The following PRMT8 variants were observed in gnomAD, a reference collection of about 807,000 sequenced individuals.
The protein encoded by PRMT8 is protein arginine methyltransferase 8.
A neutral mutation model predicts 47.1 loss-of-function variants in PRMT8; 7 were observed. The ratio of observed to expected loss-of-function variants is 0.15; its 90% CI spans 0.08 to 0.28. PRMT8 has a LOEUF of 0.28. Among genes scored for constraint, PRMT8 ranks in the 10% least tolerant of loss-of-function variants. PRMT8 has a pLI of 1.00. For missense variants in PRMT8, 237 were observed against 505.4 expected, an observed-to-expected ratio of 0.47 and a Z score of 5.09; for synonymous variants, 188 against 186.5, an observed-to-expected ratio of 1.01 and a Z score of -0.07.
In PRMT8 at chr12:3,428,253, T is replaced by C. The variant is rs559036581; in HGVS notation, c.48+46811T>C. Among the ~76,000 whole-genome samples the C allele has an allele frequency of 1.5e-3, 228 of 152,162 alleles. 1 individual carries two copies. The highest frequency in any genetic ancestry group is 9.7e-3 in the South Asian group (47 of 4,830). On this transcript the variant is annotated intron_variant, in intron 1 of 9. Transcript: ENST00000452611. Reference sequence around the variant, plus strand: ...AAATCATCTTTTTCTTTCTTTCTTTTTTTTTTTTAACACAATAGCCCTATA... The same window carrying C: ...AAATCATCTTTTTCTTTCTTTCTTTCTTTTTTTTAACACAATAGCCCTATA...
intron 1 of PRMT8, among the ~76,000 whole-genome samples, chr12:3,495,771 T>G (rs888508983): frequency 6.6e-6 from 1 of 152,166 alleles, no homozygotes; most frequent in African/African-American, 2.4e-5. Flanking sequence ...CTAATGGGCT[T>G]TAGTCACTCA....
chr12:3,583,945 C>A lies in PRMT8; in HGVS notation c.979+737C>A, dbSNP rs1009014375. On this transcript the variant is annotated intron_variant, in intron 8 of 9. Transcript: ENST00000382622. The surrounding 1 kb of genome is among the most constrained non-coding windows in gnomAD (Gnocchi z 4.7). Reference sequence around the variant, plus strand: ...AGTGAGGCCTCTTCATTCTCTGGGCCATGGCTTCTACACACACCAGCCCTT... The same window carrying A: ...AGTGAGGCCTCTTCATTCTCTGGGCAATGGCTTCTACACACACCAGCCCTT... Among the ~76,000 whole-genome samples the A allele has an allele frequency of 2.0e-5, 3 of 152,232 alleles. No individual in the cohort carries two copies. The East Asian group carries it at 5.8e-4, about 29-fold the overall frequency.
intron 1 of PRMT8, among the ~76,000 whole-genome samples, chr12:3,529,539 G>A (rs1035463351): frequency 2.6e-5 from 4 of 152,096 alleles, no homozygotes; most frequent in African/African-American, 9.7e-5. Flanking sequence ...TTCAGTGAGT[G>A]TGTACATTGG....
At chr12:3,459,855 C>T (rs545176422) in intron 1 of PRMT8, among the ~76,000 whole-genome samples, 5 of 152,114 alleles carry the variant, frequency 3.3e-5, no homozygotes, top group African/African-American at 4.8e-5. Flanking sequence ...GGGGTGAGGA[C>T]GGAATCTCTT....
chr12:3,458,308 G>C (rs920747159), intron 1 of PRMT8, among the ~76,000 whole-genome samples: 2 of 152,174 alleles, frequency 1.3e-5, no homozygotes, highest in African/African-American at 4.8e-5. Flanking sequence ...GTGGCCAGGA[G>C]GGCTGCATAT....
At chr12:3,451,033 A>ACCCCCCC (rs71061115) in intron 1 of PRMT8, among the ~76,000 whole-genome samples, 304 of 26,118 alleles carry the variant, frequency 0.012, 125 homozygotes, top group East Asian at 0.048. Context: ...TCTTGCTGAC[A>ACCCCCCC]CCCCCCCCCC....
chr12:3,537,160 A>G (rs188163505), intron 1 of PRMT8, among the ~76,000 whole-genome samples: 11 of 152,182 alleles, frequency 7.2e-5, no homozygotes, highest in Admixed American at 2.0e-4. Flanking sequence ...TCTCTCTGCA[A>G]CTCTTACATA....
At chr12:3,455,618 G>T (rs1654304638) in intron 1 of PRMT8, among the ~76,000 whole-genome samples, 1 of 152,160 alleles carries the variant, frequency 6.6e-6, no homozygotes, top group Non-Finnish European at 1.5e-5. Flanking sequence ...CTGCTCTCTG[G>T]GCTCGGTCCT....
At chr12:3,448,812 G>C (rs148595118) in intron 1 of PRMT8, among the ~76,000 whole-genome samples, 32 of 152,116 alleles carry the variant, frequency 2.1e-4, no homozygotes, top group Admixed American at 8.5e-4. Flanking sequence ...GTGCCATGGT[G>C]GTTTGCTGCA....
intron 1 of PRMT8, among the ~76,000 whole-genome samples, chr12:3,505,377 T>G (rs1485611546): frequency 2.0e-5 from 3 of 152,224 alleles, no homozygotes; most frequent in African/African-American, 4.8e-5. Flanking sequence ...GGCCTCAGAA[T>G]AGTTGCAAGT....
At chr12:3,438,661 G>A (rs374642147) in intron 1 of PRMT8, among the ~76,000 whole-genome samples, 2 of 152,192 alleles carry the variant, frequency 1.3e-5, no homozygotes, top group African/African-American at 2.4e-5. Context: ...GGACCCCTCC[G>A]TCCATTTGCA....
At chr12:3,430,757 A>G (rs921519325) in intron 1 of PRMT8, among the ~76,000 whole-genome samples, 2 of 152,214 alleles carry the variant, frequency 1.3e-5, no homozygotes, top group Non-Finnish European at 2.9e-5. Context: ...TCATTCATTC[A>G]TTTACTCGTC....
chr12:3,559,554 G>C (rs1866594604), intron 4 of PRMT8, among the ~76,000 whole-genome samples: 1 of 152,142 alleles, frequency 6.6e-6, no homozygotes, highest in Admixed American at 6.5e-5. Flanking sequence ...CAATACCATG[G>C]AGTTTCCTCT....
intron 1 of PRMT8, among the ~76,000 whole-genome samples, chr12:3,528,661 T>C (rs1178374120): frequency 6.6e-6 from 1 of 152,124 alleles, no homozygotes; most frequent in African/African-American, 2.4e-5. Context: ...TGATTTTTTT[T>C]CTTCTTTATA....
At chr12:3,573,494 T>C (rs975696496) in intron 6 of PRMT8, among the ~76,000 whole-genome samples, 2 of 152,242 alleles carry the variant, frequency 1.3e-5, no homozygotes, top group Admixed American at 1.3e-4. Flanking sequence ...ATGACTTTTT[T>C]CTTATGATGA....
chr12:3,476,263 G>A (rs565494764), intron 1 of PRMT8, among the ~76,000 whole-genome samples: 41 of 152,264 alleles, frequency 2.7e-4, no homozygotes, highest in African/African-American at 8.7e-4. Flanking sequence ...AAATCTGAGC[G>A]TTTGTAACCT....
intron 1 of PRMT8, among the ~76,000 whole-genome samples, chr12:3,382,132 A>C (rs1253519631): frequency 6.6e-6 from 1 of 152,196 alleles, no homozygotes; most frequent in Non-Finnish European, 1.5e-5. Context: ...CCATTCACTC[A>C]CTGAAGAGCA....
At chr12:3,573,109 A>G (rs191280077) in intron 6 of PRMT8, among the ~76,000 whole-genome samples, 9 of 152,270 alleles carry the variant, frequency 5.9e-5, no homozygotes, top group Non-Finnish European at 1.3e-4. Context: ...CTTCTTCAGG[A>G]ACTCCCATTA....
chr12:3,489,405 G>C (rs558208542), upstream of PRMT8, among the ~76,000 whole-genome samples: 2 of 151,936 alleles, frequency 1.3e-5, no homozygotes, highest in East Asian at 3.9e-4. Context: ...GGGGAGCTGG[G>C]TCCTCTGCTT....
Sources: allele counts gnomAD v4.1 joint callset (sites outside exome capture counted in the v4.1 genomes callset), GRCh38; gene constraint gnomAD v4.1.1; non-coding constraint Gnocchi (gnomAD v3.1); transcripts MANE v1.5; gene names NCBI Gene and HGNC (gene_info 2026-07-23, HGNC 2026-07-21).